The following MGAT4A variants were observed in gnomAD, a reference collection of about 807,000 sequenced individuals.
MGAT4A encodes the protein alpha-1,3-mannosyl-glycoprotein 4-beta-N-acetylglucosaminyltransferase A, also known as N-acetylglucosaminyltransferase IVa.
In MGAT4A, 33 loss-of-function variants were observed where a neutral mutation model predicts 74.1. That is an observed-to-expected ratio of 0.45 (90% CI 0.34 to 0.60). The LOEUF (loss-of-function observed/expected upper bound fraction) is 0.60. MGAT4A is among the 20% of genes least tolerant of loss of function. MGAT4A has a pLI of 0.02. For missense variants in MGAT4A, 479 were observed against 628.3 expected (o/e 0.76, Z 2.54); for synonymous variants, 198 against 210.4 (o/e 0.94, Z 0.51).
chr2:98,661,724 C>T (rs1263927857), intron 5 of MGAT4A, among the ~76,000 whole-genome samples: 1 of 152,062 alleles, frequency 6.6e-6, no homozygotes, highest in Admixed American at 6.6e-5. Flanking sequence ...TTTATTAGAA[C>T]CCATTTAGTT....
chr2:98,713,470 C>G (rs970049031), intron 2 of MGAT4A, among the ~76,000 whole-genome samples: 1 of 141,468 alleles, frequency 7.1e-6, no homozygotes, highest in Non-Finnish European at 1.6e-5. Context: ...AAAAAACAAA[C>G]AAACCCGTAG....
chr2:98,672,643 C>A (rs974313110), intron 4 of MGAT4A, among the ~76,000 whole-genome samples: 1 of 152,156 alleles, frequency 6.6e-6, no homozygotes, highest in Non-Finnish European at 1.5e-5. Context: ...AAATGACTAC[C>A]AGATGAACAT....
intron 2 of MGAT4A, among the ~76,000 whole-genome samples, chr2:98,683,440 A>G (rs1341808468): frequency 6.6e-6 from 1 of 152,230 alleles, no homozygotes; most frequent in Non-Finnish European, 1.5e-5. Context: ...TGGTTCTGAA[A>G]AGAAACAAAT....
At chr2:98,713,986 C>T (rs1877905) in intron 2 of MGAT4A, among the ~76,000 whole-genome samples, 16,434 of 152,166 alleles carry the variant, frequency 0.11, 1,952 homozygotes, top group African/African-American at 0.29. Flanking sequence ...AATATTGAAC[C>T]CTAGTAAATT....
At chr2:98,659,615 C>T (rs1260086085) in intron 5 of MGAT4A, among the ~76,000 whole-genome samples, 2 of 152,158 alleles carry the variant, frequency 1.3e-5, no homozygotes, top group Non-Finnish European at 2.9e-5. Context: ...CCATACTGTT[C>T]TTGTGATAGT....
intron 4 of MGAT4A, among the ~76,000 whole-genome samples, chr2:98,672,618 T>G (rs962919959): frequency 6.6e-6 from 1 of 152,212 alleles, no homozygotes; most frequent in African/African-American, 2.4e-5. Flanking sequence ...TCACTCTCTT[T>G]GTTCACTCCT....
chr2:98,663,539 C>T (rs551017363), intron 4 of MGAT4A: 2 of 1,182,892 alleles, frequency 1.7e-6, no homozygotes, highest in Non-Finnish European at 2.2e-6. Flanking sequence ...AAGCATGTGA[C>T]ATGCCGAGAA....
At chr2:98,721,009 A>C (rs558395895) in intron 2 of MGAT4A, among the ~76,000 whole-genome samples, 3 of 152,352 alleles carry the variant, frequency 2.0e-5, no homozygotes, top group African/African-American at 7.2e-5. Flanking sequence ...GAAATGAAAA[A>C]AGTCAAACAC....
intron 4 of MGAT4A, among the ~76,000 whole-genome samples, chr2:98,665,426 C>T (rs895989328): frequency 2.6e-5 from 4 of 151,650 alleles, no homozygotes; most frequent in Non-Finnish European, 5.9e-5. Context: ...TACTAAGATG[C>T]GAAAGGTTTA....
chr2:98,673,528 G>GT (rs1263454722), intron 4 of MGAT4A, among the ~76,000 whole-genome samples: 4 of 152,070 alleles, frequency 2.6e-5, no homozygotes, highest in African/African-American at 4.8e-5. Flanking sequence ...CTACCAAGCT[G>GT]TTTTTTCTAC....
intron 8 of MGAT4A, among the ~76,000 whole-genome samples, chr2:98,650,158 A>C (rs1164807674): frequency 1.3e-5 from 2 of 152,336 alleles, no homozygotes; most frequent in East Asian, 3.9e-4. Context: ...TAGAAGGACT[A>C]AACAGCAGAC....
intron 4 of MGAT4A, among the ~76,000 whole-genome samples, chr2:98,666,885 C>T (rs17021869): frequency 0.19 from 29,107 of 151,960 alleles, 3,317 homozygotes; most frequent in African/African-American, 0.29. Flanking sequence ...TTTTGGTTTC[C>T]GTTTTGCTTT....
chr2:98,708,393 G>A (rs1702470212), intron 2 of MGAT4A, among the ~76,000 whole-genome samples: 6 of 152,062 alleles, frequency 3.9e-5, no homozygotes, highest in Admixed American at 3.9e-4. Context: ...GAAAAGCCAT[G>A]AGATTTATAA....
In MGAT4A at chr2:98,621,897, CTT is replaced by C; in HGVS notation, c.*3667_*3668del. On this transcript the variant is annotated 3_prime_UTR_variant, in exon 16 of 16. Coordinates refer to ENST00000393487, the MANE Select transcript of MGAT4A (RefSeq NM_012214.3). ...AACCACTGATTTGAGAAGATACACA[CTT>C]TGTTCAAGGGTATTCAACCATCTCC... 1.0e-6 allele frequency: 1 copy of C among 1,004,548 alleles called. No homozygotes were observed. Among genetic ancestry groups the C allele is most frequent in the Non-Finnish European group, 1.2e-6 (1 of 841,852 alleles). The allele number at this position is 1,004,548 out of a possible 1,614,324, so 62.2% of individuals were successfully genotyped here. A position where few individuals can be genotyped will look rare whatever the true frequency, so the allele number is the denominator to read the frequency against.
rs543351253 is a variant in MGAT4A, at chr2:98,686,481, A to G, written c.95-8010T>C. On this transcript the variant is annotated intron_variant, in intron 2 of 15. Transcript: ENST00000393487. The stretch of plus-strand genomic sequence containing the variant: ...AAATCTATCCCCTGACCTAATAAAC[A>G]TAACACCTTAAGACAAACAAACGAT... Among the ~76,000 whole-genome samples the G allele has an allele frequency of 5.3e-5, 8 of 152,178 alleles. No homozygotes were observed. In the South Asian group the frequency reaches 1.7e-3, roughly 32 times the overall value.
intron 2 of MGAT4A, among the ~76,000 whole-genome samples, chr2:98,699,643 T>C (rs115762060): frequency 4.6e-5 from 7 of 152,300 alleles, no homozygotes; most frequent in African/African-American, 1.7e-4. Context: ...CCATTACTTA[T>C]AAGATTAAGC....
chr2:98,685,875 G>A (rs557755542), intron 2 of MGAT4A, among the ~76,000 whole-genome samples: 2 of 152,240 alleles, frequency 1.3e-5, no homozygotes, highest in Non-Finnish European at 2.9e-5. Context: ...GTCCATGAGC[G>A]GAGAAGCCCA....
intron 2 of MGAT4A, among the ~76,000 whole-genome samples, chr2:98,682,846 G>A (rs1702080481): frequency 6.6e-6 from 1 of 152,186 alleles, no homozygotes; most frequent in Non-Finnish European, 1.5e-5. Context: ...CAGCAGTTTG[G>A]GAGCTGAGGC....
At chr2:98,719,814 ATTT>A (rs542005479) in intron 2 of MGAT4A, among the ~76,000 whole-genome samples, 8 of 151,844 alleles carry the variant, frequency 5.3e-5, no homozygotes, top group Non-Finnish European at 1.0e-4. Flanking sequence ...CGCCCAGCTA[ATTT>A]TTTATTTTTA....
Sources: gnomAD v4.1 joint callset for allele counts (sites outside exome capture counted in the v4.1 genomes callset) on GRCh38, gnomAD v4.1.1 for gene constraint, MANE v1.5 for transcripts, NCBI Gene and HGNC (gene_info 2026-07-23, HGNC 2026-07-21) for gene names.